Variants in FOXP2 observed in about 807,000 individuals in gnomAD.
The protein encoded by FOXP2 is forkhead box protein P2.
A neutral mutation model predicts 115.8 loss-of-function variants in FOXP2; 12 were observed. The observed-to-expected ratio is 0.10, with a 90% CI of 0.07 to 0.17. FOXP2 has a LOEUF of 0.17. Ranked by LOEUF, FOXP2 falls within the 10% of genes least tolerant of loss-of-function variation. The pLI is 1.00. For synonymous variants in FOXP2, 328 were observed against 297.7 expected (o/e 1.10, Z -1.05); for missense variants, 629 against 843.5 (o/e 0.75, Z 3.15).
chr7:114,209,173 T>A (rs138941780), intron 1 of FOXP2, among the ~76,000 whole-genome samples: 119 of 152,334 alleles, frequency 7.8e-4, no homozygotes, highest in African/African-American at 2.8e-3. Flanking sequence ...TAATGGCTTA[T>A]AAGGGGGTCC....
intron 1 of FOXP2, among the ~76,000 whole-genome samples, chr7:114,173,654 A>G (rs1793209442): frequency 6.6e-6 from 1 of 151,250 alleles, no homozygotes. Context: ...GATATCTATG[A>G]TTTTGATTTG....
intron 2 of FOXP2, among the ~76,000 whole-genome samples, chr7:114,452,376 T>C (rs1379161700): frequency 6.6e-6 from 1 of 152,048 alleles, no homozygotes; most frequent in African/African-American, 2.4e-5. Context: ...ATAGAAGGAC[T>C]TAAGCACTTC....
At chr7:114,216,259 A>G (rs1236028707) in intron 1 of FOXP2, among the ~76,000 whole-genome samples, 2 of 152,194 alleles carry the variant, frequency 1.3e-5, no homozygotes, top group African/African-American at 4.8e-5. Context: ...CTTCCACACA[A>G]GACACTCTCA....
At position 114,553,188 on chromosome 7, in the gene FOXP2, A is replaced by T. The variant is rs145064327; in HGVS notation, c.258+18482A>T. ...GTTATGGAAACGAATATAGAGCTGG[A>T]GTTAGGATACCCAAGTCTTAACCTG... On this transcript the variant is annotated intron_variant, in intron 3 of 16. Transcript: ENST00000350908. 5.7e-3 allele frequency among the ~76,000 whole-genome samples: 864 copies of T among 152,290 alleles called. 6 individuals are homozygous for T. The highest frequency in any genetic ancestry group is 0.019 in the African/African-American group (801 of 41,554).
intron 3 of FOXP2, among the ~76,000 whole-genome samples, chr7:114,564,909 A>C (rs890483004): frequency 6.6e-6 from 1 of 151,220 alleles, no homozygotes; most frequent in African/African-American, 2.4e-5. Context: ...TAGAAATGTT[A>C]TTTGTGCCCA....
intron 1 of FOXP2, among the ~76,000 whole-genome samples, chr7:114,147,940 A>T (rs1266233063): frequency 1.3e-5 from 2 of 152,170 alleles, no homozygotes; most frequent in Non-Finnish European, 2.9e-5. Context: ...GTAGTTAATC[A>T]GTATCACTTC....
At chr7:114,538,404 A>T in intron 3 of FOXP2, 1 of 1,280,830 alleles carries the variant, frequency 7.8e-7, no homozygotes, top group Non-Finnish European at 1.0e-6. Context: ...TTGCTTTGCT[A>T]TCTTAGATGA....
chr7:114,642,812 A>ATATATATAT (rs1308357594), intron 7 of FOXP2, among the ~76,000 whole-genome samples, 189 bp downstream of exon 7: 20 of 72,428 alleles, frequency 2.8e-4, no homozygotes, highest in African/African-American at 9.3e-4. Context: ...ATATATATAT[A>ATATATATAT]TTTTTTTTTT....
intron 2 of FOXP2, among the ~76,000 whole-genome samples, chr7:114,397,506 G>A (rs1792773612): frequency 6.6e-6 from 1 of 152,138 alleles, no homozygotes; most frequent in Admixed American, 6.6e-5. Context: ...AGGCTTCACT[G>A]AGGAAGTGAA....
At chr7:114,508,098 A>C (rs1797911682) in intron 2 of FOXP2, among the ~76,000 whole-genome samples, 1 of 152,024 alleles carries the variant, frequency 6.6e-6, no homozygotes, top group African/African-American at 2.4e-5. Context: ...CTTTTTAAAA[A>C]ACATATTTTA....
chr7:114,343,702 T>G (rs1007972283), intron 2 of FOXP2, among the ~76,000 whole-genome samples: 1 of 151,642 alleles, frequency 6.6e-6, no homozygotes, highest in Admixed American at 6.6e-5. Flanking sequence ...GCTTCCACCT[T>G]GAATGTATTT....
intron 2 of FOXP2, among the ~76,000 whole-genome samples, chr7:114,312,301 T>A (rs1797166900): frequency 6.6e-6 from 1 of 152,140 alleles, no homozygotes; most frequent in Admixed American, 6.5e-5. Context: ...TTTAGAAGAG[T>A]GAGGAGAAAT....
intron 2 of FOXP2, among the ~76,000 whole-genome samples, chr7:114,481,482 C>T (rs903573067): frequency 7.9e-5 from 12 of 151,284 alleles, no homozygotes; most frequent in South Asian, 2.1e-4. Flanking sequence ...TTCCCCAAAG[C>T]GTAATAGGTT....
chr7:114,406,953 G>C (rs1435398599), intron 2 of FOXP2, among the ~76,000 whole-genome samples: 2 of 151,906 alleles, frequency 1.3e-5, no homozygotes, highest in African/African-American at 4.8e-5. Flanking sequence ...TTTTTGAGAA[G>C]TTTATGTCTG....
intron 2 of FOXP2, among the ~76,000 whole-genome samples, chr7:114,399,949 C>CT (rs59641799): frequency 5.9e-5 from 9 of 151,322 alleles, no homozygotes; most frequent in African/African-American, 1.9e-4. Flanking sequence ...CTCCGCCCCC[C>CT]GAGTTCAAGC....
intron 1 of FOXP2, among the ~76,000 whole-genome samples, chr7:114,104,951 T>C (rs971106541): frequency 2.0e-5 from 3 of 152,048 alleles, no homozygotes; most frequent in African/African-American, 7.2e-5. Flanking sequence ...AGTAATAATT[T>C]AGGGAAAACT....
At chr7:114,409,394 T>A (rs1370306505), upstream of FOXP2, among the ~76,000 whole-genome samples, 1 of 152,158 alleles carries the variant, frequency 6.6e-6, no homozygotes, top group Non-Finnish European at 1.5e-5. Flanking sequence ...TAACTACAGA[T>A]ATGTCAAAAT....
intron 1 of FOXP2, among the ~76,000 whole-genome samples, chr7:114,112,686 CAGG>C (rs1271052063): frequency 1.3e-5 from 2 of 152,044 alleles, no homozygotes; most frequent in Non-Finnish European, 2.9e-5. Flanking sequence ...TTGTCAGGAG[CAGG>C]AGAATAGGGA....
chr7:114,203,355 C>G lies in FOXP2; in HGVS notation c.-102+40267C>G, dbSNP rs112947796. 4.8e-3 allele frequency among the ~76,000 whole-genome samples: 732 copies of G among 152,070 alleles called. 3 individuals are homozygous for G. The highest frequency in any genetic ancestry group is 0.016 in the African/African-American group (679 of 41,484). On this transcript the variant is annotated intron_variant, in intron 1 of 17. Transcript: ENST00000634411. ...CATCTTTTTTTATTTTTTTTGGAGA[C>G]AGAATCTCACTCTGTAGCCCAGGCT...
Sources: gnomAD v4.1 joint callset for allele counts (sites outside exome capture counted in the v4.1 genomes callset) on GRCh38, gnomAD v4.1.1 for gene constraint, MANE v1.5 for transcripts, NCBI Gene and HGNC (gene_info 2026-07-23, HGNC 2026-07-21) for gene names.